INPP4B: variants seen among roughly 807,000 people sequenced by gnomAD.
The protein encoded by INPP4B is inositol polyphosphate 4-phosphatase type II.
Under a neutral mutation model 122.5 loss-of-function variants are expected in INPP4B, and 55 were observed. The ratio of observed to expected loss-of-function variants is 0.45; its 90% CI spans 0.36 to 0.56. The LOEUF is 0.56. Among genes scored for constraint, INPP4B ranks in the 20% least tolerant of loss-of-function variants. The pLI, the probability that INPP4B is intolerant of heterozygous loss-of-function variation, is 0.00. For missense variants in INPP4B, 1,000 were observed against 1,097.7 expected, an observed-to-expected ratio of 0.91 and a Z score of 1.26; for synonymous variants, 403 against 388.7, an observed-to-expected ratio of 1.04 and a Z score of -0.43.
chr4:142,134,797 C>CAAAAA (rs58297348), intron 18 of INPP4B, among the ~76,000 whole-genome samples: 3 of 51,294 alleles, frequency 5.8e-5, no homozygotes, highest in Non-Finnish European at 8.9e-5. Flanking sequence ...AACTCTGTCT[C>CAAAAA]AAAAAAAAAA....
intron 25 of INPP4B, among the ~76,000 whole-genome samples, chr4:142,065,813 T>C (rs567363210): frequency 1.3e-5 from 2 of 152,318 alleles, no homozygotes; most frequent in East Asian, 3.9e-4. Context: ...CCCTATAATA[T>C]GTTCACTAGT....
intron 18 of INPP4B, among the ~76,000 whole-genome samples, chr4:142,142,082 T>C (rs987664504): frequency 2.6e-5 from 4 of 152,078 alleles, no homozygotes; most frequent in Admixed American, 2.6e-4. Flanking sequence ...CAAATGCTTA[T>C]CAGTATTTAT....
chr4:142,553,041 T>C (rs6849489), intron 2 of INPP4B, among the ~76,000 whole-genome samples: 146,985 of 152,230 alleles, frequency 0.97, 71,189 homozygotes, highest in East Asian at 1. Context: ...CTCCTTCCTT[T>C]TCTAAGTATT....
At chr4:142,764,923 T>C (rs914105843) in intron 1 of INPP4B, among the ~76,000 whole-genome samples, 9 of 152,034 alleles carry the variant, frequency 5.9e-5, no homozygotes, top group African/African-American at 1.9e-4. Flanking sequence ...TCGTTAAGAC[T>C]AGGGACATAT....
intron 10 of INPP4B, among the ~76,000 whole-genome samples, chr4:142,261,655 C>G (rs1349838023): frequency 6.6e-6 from 1 of 152,078 alleles, no homozygotes; most frequent in African/African-American, 2.4e-5. Context: ...TGTTCTGTCT[C>G]CCTCCACCTC....
At chr4:142,580,013 C>T (rs939701720) in intron 2 of INPP4B, among the ~76,000 whole-genome samples, 6 of 151,414 alleles carry the variant, frequency 4.0e-5, no homozygotes, top group African/African-American at 1.2e-4. Flanking sequence ...AGGGAAGATA[C>T]GCAGACTTCG....
chr4:142,252,236 T>C (rs908368623), intron 11 of INPP4B, among the ~76,000 whole-genome samples: 2 of 147,938 alleles, frequency 1.4e-5, no homozygotes, highest in Non-Finnish European at 1.5e-5. Context: ...TCGCCCAGGC[T>C]GGAGTGCAGT....
At chr4:142,384,405 C>T (rs1029296915) in intron 7 of INPP4B, among the ~76,000 whole-genome samples, 1 of 152,290 alleles carries the variant, frequency 6.6e-6, no homozygotes, top group Non-Finnish European at 1.5e-5. Flanking sequence ...CTACTACATA[C>T]TTAGGCTTTA....
intron 1 of INPP4B, among the ~76,000 whole-genome samples, chr4:142,805,264 G>T (rs1181235533): frequency 6.6e-6 from 1 of 152,146 alleles, no homozygotes; most frequent in East Asian, 1.9e-4. Context: ...TTCCACTACA[G>T]AAGTTAAAAG....
intron 5 of INPP4B, among the ~76,000 whole-genome samples, chr4:142,419,696 A>G (rs968079262): frequency 6.6e-6 from 1 of 152,168 alleles, no homozygotes. Context: ...TACAATAGAA[A>G]TGTAAGAGAA....
chr4:142,142,072 C>A lies in INPP4B; in HGVS notation c.1720+3768G>T, dbSNP rs117261582. 2.5e-4 allele frequency among the ~76,000 whole-genome samples: 38 copies of A among 152,048 alleles called. 2 individuals carry two copies. In the East Asian group the frequency reaches 7.0e-3, roughly 28 times the overall value. On this transcript the variant is annotated intron_variant, in intron 18 of 25. Coordinates refer to ENST00000262992, the MANE Select transcript of INPP4B (RefSeq NM_001101669.3). Reference sequence around the variant, plus strand: ...ACATCACTAACAAATGATGCTGCAACAAATGCTTATCAGTATTTATCATAT... The same window carrying A: ...ACATCACTAACAAATGATGCTGCAAAAAATGCTTATCAGTATTTATCATAT...
chr4:142,276,805 G>A (rs1051420228), intron 9 of INPP4B, among the ~76,000 whole-genome samples: 1 of 151,724 alleles, frequency 6.6e-6, no homozygotes, highest in South Asian at 2.1e-4. Flanking sequence ...CAAATATGAG[G>A]AATTATACAA....
chr4:142,772,586 C>T (rs17016768), intron 1 of INPP4B, among the ~76,000 whole-genome samples: 35,350 of 151,862 alleles, frequency 0.23, 4,379 homozygotes, highest in South Asian at 0.35. Context: ...AACACCATCA[C>T]GGCACAAGAA....
At chr4:142,381,556 G>A (rs568318454) in intron 7 of INPP4B, among the ~76,000 whole-genome samples, 1 of 151,796 alleles carries the variant, frequency 6.6e-6, no homozygotes. Context: ...TTTAGATTAC[G>A]ATACAGTCAT....
intron 18 of INPP4B, among the ~76,000 whole-genome samples, chr4:142,126,582 C>T (rs1798713397): frequency 6.6e-6 from 1 of 152,000 alleles, no homozygotes; most frequent in Admixed American, 6.6e-5. Context: ...TGTAGATGTA[C>T]ATGCTATTAT....
chr4:142,116,246 A>G (rs1336462205), intron 21 of INPP4B, among the ~76,000 whole-genome samples: 1 of 152,172 alleles, frequency 6.6e-6, no homozygotes, highest in Non-Finnish European at 1.5e-5. Context: ...AACGTTAGAC[A>G]GATCAAGGAG....
chr4:142,188,550 A>AAAT, intron 15 of INPP4B, among the ~76,000 whole-genome samples: 1 of 149,792 alleles, frequency 6.7e-6, no homozygotes, highest in Middle Eastern at 3.4e-3. Context: ...AGTTCATACA[A>AAAT]AATAGTAAGC....
intron 12 of INPP4B, among the ~76,000 whole-genome samples, chr4:142,235,179 T>G (rs964567590): frequency 6.6e-6 from 1 of 152,024 alleles, no homozygotes; most frequent in South Asian, 2.1e-4. Flanking sequence ...GGCTCATCCT[T>G]TAAGAGGTTT....
intron 7 of INPP4B, among the ~76,000 whole-genome samples, chr4:142,387,619 G>A (rs1397803503): frequency 2.0e-5 from 3 of 152,146 alleles, no homozygotes; most frequent in Non-Finnish European, 4.4e-5. Flanking sequence ...GCCAACAAAA[G>A]GGTAAAAGTT....
Sources: gnomAD v4.1 joint callset for allele counts (sites outside exome capture counted in the v4.1 genomes callset) on GRCh38, gnomAD v4.1.1 for gene constraint, MANE v1.5 for transcripts, NCBI Gene and HGNC (gene_info 2026-07-23, HGNC 2026-07-21) for gene names.